The following NPAS2 variants were observed in gnomAD, a reference collection of about 807,000 sequenced individuals.
The protein encoded by NPAS2 is neuronal PAS domain protein 2.
NPAS2 carries 23 observed loss-of-function variants against 107.5 expected under a neutral mutation model. The ratio of observed to expected loss-of-function variants is 0.21; its 90% confidence interval spans 0.15 to 0.30. NPAS2 has a LOEUF of 0.30. NPAS2 is among the 10% of genes least tolerant of loss of function. The probability of loss-of-function intolerance (pLI) is 1.00; values close to 1 mark genes in which losing one functional copy is unlikely to be tolerated. For missense variants in NPAS2, 756 were observed against 1,043.3 expected (o/e 0.72, Z 3.79); for synonymous variants, 403 against 417.5 (o/e 0.97, Z 0.42).
intron 1 of NPAS2, chr2:100,901,479 A>G (rs1412682406): frequency 1.6e-5 from 16 of 983,060 alleles, no homozygotes; most frequent in Non-Finnish European, 1.8e-5. Context: ...CAAGAAACCC[A>G]GAACTGGAAG....
intron 1 of NPAS2, chr2:100,822,825 A>C (rs1042630739): frequency 1.3e-5 from 2 of 152,202 alleles, no homozygotes; most frequent in African/African-American, 4.8e-5. Flanking sequence ...GGTGTTGAAA[A>C]TAGCCCAGTG....
intron 5 of NPAS2, among the ~76,000 whole-genome samples, chr2:100,942,817 C>T (rs4851382): frequency 0.057 from 8,742 of 152,154 alleles, 342 homozygotes; most frequent in Middle Eastern, 0.15. Flanking sequence ...TTTGTTTCAC[C>T]GTGTATAAAT....
chr2:100,982,192 CTCTT>C (rs1677485905), intron 15 of NPAS2, 35 bp from the exon 16 acceptor site: 3 of 1,612,386 alleles, frequency 1.9e-6, no homozygotes, highest in Non-Finnish European at 2.5e-6. Context: ...GCTGAAATAA[CTCTT>C]TCATCTGATT....
intron 1 of NPAS2, among the ~76,000 whole-genome samples, chr2:100,832,700 C>T (rs1048406108): frequency 2.3e-5 from 3 of 131,604 alleles, no homozygotes; most frequent in African/African-American, 9.4e-5. Context: ...CCCTGCCTGG[C>T]AATGACCCAG....
At chr2:100,866,148 A>G (rs1679238377) in intron 1 of NPAS2, among the ~76,000 whole-genome samples, 1 of 152,176 alleles carries the variant, frequency 6.6e-6, no homozygotes, top group African/African-American at 2.4e-5. Context: ...GAAAGATTGG[A>G]AGTGGAGTGA....
chr2:100,853,802 T>C (rs552924371), intron 1 of NPAS2, among the ~76,000 whole-genome samples: 1 of 151,368 alleles, frequency 6.6e-6, no homozygotes, highest in East Asian at 2.0e-4. Context: ...GTTGGCTGGG[T>C]GGAGGTATGA....
intron 5 of NPAS2, among the ~76,000 whole-genome samples, chr2:100,944,761 A>G (rs965349757): frequency 5.3e-5 from 8 of 152,230 alleles, no homozygotes; most frequent in African/African-American, 1.7e-4. Context: ...CCTCCCACAT[A>G]TCATACCTGC....
At chr2:100,952,880 C>T (rs969988283) in intron 7 of NPAS2, among the ~76,000 whole-genome samples, 2 of 139,724 alleles carry the variant, frequency 1.4e-5, no homozygotes, top group Admixed American at 1.5e-4. Context: ...GAAACTATTA[C>T]TGCTGTAAAC....
chr2:100,957,640 G>T lies in NPAS2; in HGVS notation c.599-6418G>T, dbSNP rs568909279. On this transcript the variant is annotated intron_variant, in intron 7 of 20. Coordinates refer to ENST00000335681, the MANE Select transcript of NPAS2 (RefSeq NM_002518.4). Reference sequence around the variant, plus strand: ...GGTGATTTTCAAAGGCATGGGGAAAGGTCCTGCCGGGCGCGGTGGCTCGCG... The same window carrying T: ...GGTGATTTTCAAAGGCATGGGGAAATGTCCTGCCGGGCGCGGTGGCTCGCG... Among the ~76,000 whole-genome samples the T allele has an allele frequency of 1.3e-3, 192 of 152,350 alleles. 1 individual carries two copies. The highest frequency in any genetic ancestry group is 1.8e-3 in the Non-Finnish European group (125 of 68,032).
At chr2:100,823,450 A>G (rs1316442715) in intron 1 of NPAS2, 1 of 152,074 alleles carries the variant, frequency 6.6e-6, no homozygotes, top group Non-Finnish European at 1.5e-5. Flanking sequence ...TAGAAAGGAG[A>G]GTGTTGATCC....
intron 19 of NPAS2, among the ~76,000 whole-genome samples, chr2:100,991,505 T>C (rs968469033): frequency 6.6e-6 from 1 of 152,240 alleles, no homozygotes; most frequent in African/African-American, 2.4e-5. Flanking sequence ...GTTGACTTTG[T>C]GTCCAGAACT....
At chr2:100,857,298 CAA>C (rs11312399) in intron 1 of NPAS2, among the ~76,000 whole-genome samples, 75 of 87,896 alleles carry the variant, frequency 8.5e-4, no homozygotes, top group African/African-American at 1.7e-3. Context: ...AACTCCTTCT[CAA>C]AAAAAAAAAA....
chr2:100,912,502 T>C (rs1466859768), intron 2 of NPAS2, among the ~76,000 whole-genome samples: 1 of 152,230 alleles, frequency 6.6e-6, no homozygotes, highest in African/African-American at 2.4e-5. Context: ...GCATTCATTT[T>C]GCTCATGGAT....
At chr2:100,949,509 C>T in intron 7 of NPAS2, 29 bp downstream of exon 7, 1 of 1,319,930 alleles carries the variant, frequency 7.6e-7, no homozygotes, top group East Asian at 2.3e-5. Flanking sequence ...ATAATTGTGA[C>T]AGTGTCTTTT....
chr2:100,842,081 G>GCGCGCGCGCACA, intron 1 of NPAS2, among the ~76,000 whole-genome samples: 7 of 148,798 alleles, frequency 4.7e-5, no homozygotes, highest in Admixed American at 6.7e-5. Context: ...GCATGTACGC[G>GCGCGCGCGCACA]CACACACACA....
intron 1 of NPAS2, among the ~76,000 whole-genome samples, chr2:100,834,086 G>A (rs1676908893): frequency 6.6e-6 from 1 of 152,162 alleles, no homozygotes; most frequent in South Asian, 2.1e-4. Context: ...GCTGACTCCT[G>A]GAGCTTGCCC....
intron 15 of NPAS2, among the ~76,000 whole-genome samples, chr2:100,979,455 T>C: frequency 6.8e-6 from 1 of 147,384 alleles, no homozygotes; most frequent in East Asian, 2.0e-4. Context: ...TCTTAGTCTG[T>C]CATGTGTACT....
At chr2:100,854,724 C>T (rs917805071) in intron 1 of NPAS2, among the ~76,000 whole-genome samples, 2 of 152,130 alleles carry the variant, frequency 1.3e-5, no homozygotes, top group African/African-American at 2.4e-5. Flanking sequence ...AACTGTATGG[C>T]AGGAATCCAC....
chr2:100,838,157 G>C (rs1677179121), intron 1 of NPAS2, among the ~76,000 whole-genome samples: 1 of 148,904 alleles, frequency 6.7e-6, no homozygotes, highest in African/African-American at 2.5e-5. Context: ...CCCTGAAATT[G>C]TCATCCCTGG....
Sources: allele counts gnomAD v4.1 joint callset (sites outside exome capture counted in the v4.1 genomes callset), GRCh38; gene constraint gnomAD v4.1.1; transcripts MANE v1.5; gene names NCBI Gene and HGNC (gene_info 2026-07-23, HGNC 2026-07-21).